CSMD1: variants seen among roughly 807,000 people sequenced by gnomAD.
CSMD1 encodes the protein CUB and Sushi multiple domains 1, also known as CUB and sushi domain-containing protein 1.
In CSMD1, 213 loss-of-function variants were observed where a neutral mutation model predicts 417.5. The observed-to-expected ratio is 0.51, with a 90% CI of 0.46 to 0.57. CSMD1 has a LOEUF of 0.57. Ranked by LOEUF, CSMD1 falls within the 20% of genes least tolerant of loss-of-function variation. CSMD1 has a pLI of 0.00. For missense variants in CSMD1, 6,923 were observed against 4,529.7 expected (o/e 1.53, Z -15.17); for synonymous variants, 2,862 against 1,736.8 (o/e 1.65, Z -16.11).
intron 10 of CSMD1, among the ~76,000 whole-genome samples, chr8:3,573,700 A>G (rs2116933832): frequency 6.6e-6 from 1 of 152,274 alleles, no homozygotes; most frequent in Non-Finnish European, 1.5e-5. Flanking sequence ...GAAACTATAT[A>G]AATAAGATGG....
intron 3 of CSMD1, among the ~76,000 whole-genome samples, chr8:4,187,499 G>T (rs963125735): frequency 3.9e-5 from 6 of 151,970 alleles, no homozygotes; most frequent in Admixed American, 3.9e-4. Context: ...CAAAAAATCA[G>T]CCTGGGTGGT....
In CSMD1 at chr8:3,709,824, T is replaced by C. The variant is rs965711117; in HGVS notation, c.932-1333A>G. ...TCAGCTTCATAATCATGTGAGTCAG[T>C]TCCTTATAGTAAATCTGTGTGTGTA... On this transcript the variant is annotated intron_variant, in intron 6 of 69. Transcript: ENST00000635120. Among the ~76,000 whole-genome samples, 6 of 150,694 alleles carry C rather than the reference T, an allele frequency of 4.0e-5. No individual in the cohort carries two copies. In the East Asian group the frequency reaches 5.9e-4, roughly 15 times the overall value.
chr8:3,462,600 C>A (rs1410729376), intron 12 of CSMD1, among the ~76,000 whole-genome samples: 2 of 152,148 alleles, frequency 1.3e-5, no homozygotes, highest in Non-Finnish European at 2.9e-5. Flanking sequence ...TGCAGGAAAA[C>A]AAGCTCAGGG....
intron 1 of CSMD1, among the ~76,000 whole-genome samples, chr8:4,900,830 G>A (rs145630501): frequency 1.3e-5 from 2 of 152,246 alleles, no homozygotes; most frequent in Admixed American, 1.3e-4. Flanking sequence ...AATTCTCACG[G>A]CTCTAATTTC....
intron 1 of CSMD1, among the ~76,000 whole-genome samples, chr8:4,910,741 C>T (rs6558937): frequency 6.6e-6 from 1 of 152,140 alleles, no homozygotes; most frequent in African/African-American, 2.4e-5. Context: ...TAATAAAGCA[C>T]ATAATTATAT....
chr8:4,303,105 G>C (rs1399592119), intron 3 of CSMD1, among the ~76,000 whole-genome samples: 1 of 151,978 alleles, frequency 6.6e-6, no homozygotes, highest in Non-Finnish European at 1.5e-5. Flanking sequence ...TAATTTAAAA[G>C]GAATTAAAAT....
chr8:4,037,581 C>G (rs1797685185), intron 3 of CSMD1, among the ~76,000 whole-genome samples: 1 of 148,866 alleles, frequency 6.7e-6, no homozygotes, highest in Admixed American at 6.7e-5. Context: ...TTTCAACTGA[C>G]AGGGATTGCA....
intron 5 of CSMD1, among the ~76,000 whole-genome samples, chr8:3,802,465 C>T (rs1034066444): frequency 6.6e-6 from 1 of 152,070 alleles, no homozygotes; most frequent in Non-Finnish European, 1.5e-5. Flanking sequence ...CAGCCTGATA[C>T]ATAAGTATCA....
At chr8:3,471,011 A>T (rs1166311940) in intron 11 of CSMD1, among the ~76,000 whole-genome samples, 2 of 152,130 alleles carry the variant, frequency 1.3e-5, no homozygotes, top group Non-Finnish European at 2.9e-5. Context: ...TGTGAGCATA[A>T]ATCTTCATTT....
chr8:4,764,894 A>AG (rs1491440805), intron 1 of CSMD1, among the ~76,000 whole-genome samples: 2 of 18,912 alleles, frequency 1.1e-4, no homozygotes, highest in Non-Finnish European at 1.9e-4. Flanking sequence ...AAAAAAAAAA[A>AG]CAACAACAAC....
chr8:3,667,791 T>C (rs1266279515), intron 7 of CSMD1, among the ~76,000 whole-genome samples: 5 of 152,120 alleles, frequency 3.3e-5, no homozygotes, highest in Non-Finnish European at 4.4e-5. Flanking sequence ...CGGAAAATCA[T>C]GGAAACAGAA....
intron 6 of CSMD1, among the ~76,000 whole-genome samples, chr8:3,752,973 G>A (rs1227620556): frequency 6.6e-6 from 1 of 152,144 alleles, no homozygotes; most frequent in Non-Finnish European, 1.5e-5. Flanking sequence ...TCCAGCAGGA[G>A]CTATAATTAG....
chr8:4,646,298 C>G (rs1393616442), intron 1 of CSMD1, among the ~76,000 whole-genome samples: 1 of 152,056 alleles, frequency 6.6e-6, no homozygotes, highest in Non-Finnish European at 1.5e-5. Context: ...TAATGAAATT[C>G]CCAGTGATGA....
intron 1 of CSMD1, among the ~76,000 whole-genome samples, chr8:4,811,533 G>C (rs145490971): frequency 1.6e-4 from 25 of 152,146 alleles, no homozygotes; most frequent in Non-Finnish European, 2.5e-4. Flanking sequence ...AGAAACAAGA[G>C]GTATTTCCCA....
chr8:4,542,174 T>C (rs1432122857), intron 2 of CSMD1, among the ~76,000 whole-genome samples: 1 of 152,178 alleles, frequency 6.6e-6, no homozygotes, highest in Non-Finnish European at 1.5e-5. Context: ...AACTCTTAGT[T>C]CTAAGTCTTC....
At chr8:3,718,492 A>C (rs1377365279) in intron 6 of CSMD1, among the ~76,000 whole-genome samples, 1 of 152,222 alleles carries the variant, frequency 6.6e-6, no homozygotes. Context: ...AGAGGTACTT[A>C]CTTACAATGT....
Position 2,977,161 on chromosome 8 carries a change from C to T in CSMD1, c.8566+1451G>A, listed in dbSNP as rs551480432. ...ATGTGCAGGGTGTGTAGGTTTGTTA[C>T]GCAGGGAAATGTGTGCCATGGTGGT... On this transcript the variant is annotated intron_variant, in intron 55 of 69. Transcript: ENST00000635120. Among the ~76,000 whole-genome samples the T allele has an allele frequency of 3.3e-5, 5 of 152,030 alleles. 1 individual carries two copies. The South Asian group carries it at 6.2e-4, about 19-fold the overall frequency.
At chr8:3,850,059 G>C (rs147120382) in intron 5 of CSMD1, among the ~76,000 whole-genome samples, 2,220 of 152,242 alleles carry the variant, frequency 0.015, 23 homozygotes, top group Non-Finnish European at 0.022. Flanking sequence ...GCCTCTCAAA[G>C]TGTTGGGATT....
At chr8:4,428,086 A>G (rs1438198) in intron 2 of CSMD1, among the ~76,000 whole-genome samples, 21,936 of 152,182 alleles carry the variant, frequency 0.14, 1,743 homozygotes, top group South Asian at 0.28. Context: ...ATATCAGACA[A>G]TATCAAGAGT....
Sources: allele counts gnomAD v4.1 joint callset (sites outside exome capture counted in the v4.1 genomes callset), GRCh38; gene constraint gnomAD v4.1.1; transcripts MANE v1.5; gene names NCBI Gene and HGNC (gene_info 2026-07-23, HGNC 2026-07-21).